The following CCDC141 variants were observed in gnomAD, a reference collection of about 807,000 sequenced individuals.
CCDC141 encodes coiled-coil domain-containing protein 141.
Under a neutral mutation model 181.0 loss-of-function variants are expected in CCDC141, and 168 were observed. That is an observed-to-expected ratio of 0.93 (90% CI 0.82 to 1.05). CCDC141 has a LOEUF of 1.05. Ranked by LOEUF, CCDC141 falls within the 50% of genes least tolerant of loss-of-function variation. The pLI is 0.00. For synonymous variants in CCDC141, 666 were observed against 642.3 expected, an observed-to-expected ratio of 1.04 and a Z score of -0.56; for missense variants, 1,902 against 1,788.5, an observed-to-expected ratio of 1.06 and a Z score of -1.14.
chr2:178,861,147 A>G (rs1327240394), intron 17 of CCDC141, among the ~76,000 whole-genome samples: 1 of 150,786 alleles, frequency 6.6e-6, no homozygotes, highest in Non-Finnish European at 1.5e-5. Flanking sequence ...CTAGACTCGA[A>G]GTTTCCTGAG....
the CCDC141 span, among the ~76,000 whole-genome samples, chr2:178,816,462 T>G: frequency 6.6e-6 from 1 of 152,234 alleles, no homozygotes; most frequent in East Asian, 1.9e-4. Flanking sequence ...TCTTGTTTGC[T>G]TCCAAGTTTT....
intron 5 of CCDC141, among the ~76,000 whole-genome samples, chr2:178,951,741 G>T (rs1689959274): frequency 6.6e-6 from 1 of 152,138 alleles, no homozygotes; most frequent in Admixed American, 6.5e-5. Flanking sequence ...AGAGGTAAAA[G>T]GAGACCCACA....
chr2:179,032,836 C>T (rs2154387056), intron 2 of CCDC141, among the ~76,000 whole-genome samples: 1 of 152,012 alleles, frequency 6.6e-6, no homozygotes, highest in South Asian at 2.1e-4. Flanking sequence ...ATGGAGGACA[C>T]AGAAAATTTG....
intron 11 of CCDC141, among the ~76,000 whole-genome samples, chr2:178,884,530 G>C (rs34817160): frequency 0.085 from 12,874 of 152,152 alleles, 623 homozygotes; most frequent in African/African-American, 0.13. Flanking sequence ...AGGCTAATCA[G>C]AGCCTCACAA....
At chr2:178,988,121 A>G (rs1691844007) in intron 2 of CCDC141, among the ~76,000 whole-genome samples, 1 of 152,154 alleles carries the variant, frequency 6.6e-6, no homozygotes, top group Non-Finnish European at 1.5e-5. Flanking sequence ...CATATACACC[A>G]TGGAATACTA....
At chr2:178,853,744 C>G in intron 19 of CCDC141, 120 bp from the exon 20 acceptor site, 1 of 730,184 alleles carries the variant, frequency 1.4e-6, no homozygotes, top group Non-Finnish European at 2.2e-6. Flanking sequence ...TTGGCTTGAA[C>G]TTTCTAAGTC....
rs540386895 is a variant in CCDC141, at chr2:178,893,161, C to T, written c.1266-4493G>A. Reference sequence around the variant, plus strand: ...ATTTGTTAGAAACTCCAAATGAGAACATTCTCTCCCTTATTCATTGAGCCA... The same window carrying T: ...ATTTGTTAGAAACTCCAAATGAGAATATTCTCTCCCTTATTCATTGAGCCA... On this transcript the variant is annotated intron_variant, in intron 8 of 23. Transcript: ENST00000443758. Among the ~76,000 whole-genome samples the T allele has an allele frequency of 3.9e-5, 6 of 151,900 alleles. No individual in the cohort carries two copies. The East Asian group carries it at 1.2e-3, about 29-fold the overall frequency.
intron 13 of CCDC141, 75 bp downstream of exon 13, chr2:178,872,058 T>G: frequency 7.1e-7 from 1 of 1,418,270 alleles, no homozygotes; most frequent in Non-Finnish European, 9.7e-7. Context: ...ACTTAGCTAG[T>G]GTTTTCAAGG....
the CCDC141 span, among the ~76,000 whole-genome samples, chr2:178,816,648 G>C: frequency 6.6e-6 from 1 of 151,990 alleles, no homozygotes; most frequent in Admixed American, 6.6e-5. Context: ...GCCGTTTTGC[G>C]TTCCCACCAA....
chr2:179,034,714 G>A (rs2154387257), intron 2 of CCDC141, among the ~76,000 whole-genome samples: 1 of 152,150 alleles, frequency 6.6e-6, no homozygotes, highest in Non-Finnish European at 1.5e-5. Flanking sequence ...ACCATCATTG[G>A]ATGTTATTGA....
intron 10 of CCDC141, among the ~76,000 whole-genome samples, chr2:178,885,323 C>A (rs529798055): frequency 1.5e-3 from 232 of 151,126 alleles, no homozygotes; most frequent in African/African-American, 5.4e-3. Flanking sequence ...TTATTTTGAG[C>A]ACTCTATTTT....
chr2:178,976,464 G>A (rs1691128099), intron 3 of CCDC141, among the ~76,000 whole-genome samples: 1 of 152,200 alleles, frequency 6.6e-6, no homozygotes, highest in African/African-American at 2.4e-5. Flanking sequence ...TGATGAGAGA[G>A]AGACTGAAGA....
chr2:178,912,134 T>G (rs575223297), intron 7 of CCDC141, among the ~76,000 whole-genome samples: 1 of 152,308 alleles, frequency 6.6e-6, no homozygotes, highest in African/African-American at 2.4e-5. Context: ...GGTGTTCTGG[T>G]GAACACAAAG....
rs1404933371 is a variant in CCDC141 at position 179,050,062 on chromosome 2, T to G, written c.-121A>C. On this transcript the variant is annotated 5_prime_UTR_variant, in exon 1 of 24. Coordinates refer to ENST00000443758, the MANE Select transcript of CCDC141 (RefSeq NM_173648.4). ...AGGGAAAGAGCTCAGCTCACACTGA[T>G]TACTCTGCCAAAAGGAAAGAACAGG... 3 of 1,432,744 alleles carry G rather than the reference T, an allele frequency of 2.1e-6. No homozygotes were observed. Among genetic ancestry groups the G allele is most frequent in the Non-Finnish European group, 2.8e-6 (3 of 1,073,660 alleles). 88.8% of individuals were successfully genotyped at this position (1,432,744 alleles called of 1,614,324 possible). A position where few individuals can be genotyped will look rare whatever the true frequency, so the allele number is the denominator to read the frequency against.
chr2:178,881,915 T>TCTCTCTCTCTCA (rs1465946696), intron 11 of CCDC141, among the ~76,000 whole-genome samples: 3 of 92,286 alleles, frequency 3.3e-5, no homozygotes, highest in African/African-American at 7.9e-5. Context: ...TCTCTCTCTC[T>TCTCTCTCTCTCA]CACACACACA....
At chr2:178,988,653 A>G (rs1691878122) in intron 2 of CCDC141, among the ~76,000 whole-genome samples, 1 of 152,150 alleles carries the variant, frequency 6.6e-6, no homozygotes, top group South Asian at 2.1e-4. Flanking sequence ...GAAATTGAAG[A>G]GATAATCCTC....
intron 8 of CCDC141, among the ~76,000 whole-genome samples, chr2:178,893,783 A>T (rs547650890): frequency 4.8e-5 from 7 of 146,706 alleles, no homozygotes; most frequent in Admixed American, 2.8e-4. Flanking sequence ...TCTCCCACCA[A>T]ACATTTCTCT....
intron 2 of CCDC141, among the ~76,000 whole-genome samples, chr2:179,005,628 C>T (rs941863275): frequency 6.6e-6 from 1 of 151,876 alleles, no homozygotes; most frequent in East Asian, 1.9e-4. Flanking sequence ...GTGTTTCTTT[C>T]TTTCTTTTCT....
At chr2:178,878,716 G>A (rs1390382035) in intron 11 of CCDC141, among the ~76,000 whole-genome samples, 6 of 152,118 alleles carry the variant, frequency 3.9e-5, no homozygotes, top group African/African-American at 1.4e-4. Context: ...GTAGAACACT[G>A]AGCTGACAGG....
Sources: gnomAD v4.1 joint callset for allele counts (sites outside exome capture counted in the v4.1 genomes callset) on GRCh38, gnomAD v4.1.1 for gene constraint, MANE v1.5 for transcripts, NCBI Gene and HGNC (gene_info 2026-07-23, HGNC 2026-07-21) for gene names.